The following PUS7L variants were observed in gnomAD, a reference collection of about 807,000 sequenced individuals.
The protein encoded by PUS7L is pseudouridine synthase 7 like.
A neutral mutation model predicts 51.1 loss-of-function variants in PUS7L; 49 were observed. That is an observed-to-expected ratio of 0.96 (90% CI 0.76 to 1.22). PUS7L has a LOEUF of 1.22. Ranked by LOEUF, PUS7L falls within the 50% of genes most tolerant of loss-of-function variation. The pLI, the probability that PUS7L is intolerant of heterozygous loss-of-function variation, is 0.00. For missense variants in PUS7L, 828 were observed against 820.6 expected (o/e 1.01, Z -0.11); for synonymous variants, 277 against 276.2 (o/e 1.00, Z -0.03).
In PUS7L at chr12:43,749,622, A is replaced by G. The variant is rs567187407; in HGVS notation, c.911-1013T>C. Among the ~76,000 whole-genome samples the G allele has an allele frequency of 8.5e-5, 13 of 152,276 alleles. No individual in the cohort carries two copies. In the East Asian group the frequency reaches 2.5e-3, roughly 29 times the overall value. On this transcript the variant is annotated intron_variant, in intron 2 of 8. Coordinates refer to ENST00000344862, the MANE Select transcript of PUS7L (RefSeq NM_031292.5). ...GAGGTCGAGGCTGTAGCAAGCCACG[A>G]TGGTGCCACTGCACTCCAGCCTGGG...
chr12:43,731,257 AAAGG>A (rs939887032), intron 8 of PUS7L, among the ~76,000 whole-genome samples: 1 of 152,214 alleles, frequency 6.6e-6, no homozygotes, highest in Non-Finnish European at 1.5e-5. Context: ...GTAGTCAAGA[AAAGG>A]AAGAAGGTAA....
intron 3 of PUS7L, 53 bp from the exon 4 acceptor site, chr12:43,746,291 T>C (rs1592173493): frequency 1.2e-6 from 1 of 814,868 alleles, no homozygotes; most frequent in East Asian, 3.0e-5. Context: ...TAAAAATTAC[T>C]TTAAAATAAG....
At chr12:43,757,087 C>T (rs1938751571) in intron 1 of PUS7L, among the ~76,000 whole-genome samples, 1 of 152,166 alleles carries the variant, frequency 6.6e-6, no homozygotes, top group Non-Finnish European at 1.5e-5. Context: ...TAAATTGTTC[C>T]CTCCCCAATC....
chr12:43,758,658 CCCCCCCCCACACACACA>C, intron 1 of PUS7L, 55 bp downstream of exon 1: 1 of 700,878 alleles, frequency 1.4e-6, no homozygotes, highest in Non-Finnish European at 1.6e-6. Context: ...CTCGTCACCC[CCCCCCCCCACACACACA>C]CACACACACA....
chr12:43,758,702 A>G (rs1939054702), intron 1 of PUS7L, 28 bp downstream of exon 1: 6 of 872,886 alleles, frequency 6.9e-6, no homozygotes, highest in Non-Finnish European at 7.9e-6. Context: ...CAAGCCCACC[A>G]TCGCGCAAGA....
intron 4 of PUS7L, among the ~76,000 whole-genome samples, chr12:43,743,340 G>C (rs1330285018): frequency 6.6e-6 from 1 of 152,224 alleles, no homozygotes; most frequent in Non-Finnish European, 1.5e-5. Flanking sequence ...TTTATGAGGA[G>C]AGTATGCATT....
intron 4 of PUS7L, among the ~76,000 whole-genome samples, chr12:43,744,104 G>C (rs1938046769): frequency 6.6e-6 from 1 of 152,050 alleles, no homozygotes. Context: ...GAAAGACAGG[G>C]AATAAATGCT....
In PUS7L at chr12:43,744,815, T is replaced by C. The variant is rs550850124; in HGVS notation, c.1263+1231A>G. Among the ~76,000 whole-genome samples, 17 of 152,314 alleles carry C rather than the reference T, an allele frequency of 1.1e-4. No homozygotes were observed. The South Asian group carries it at 3.5e-3, about 32-fold the overall frequency. ...GTGTTTCTCGGTATTGGCTCTAAAG[T>C]ACAGTCACCTAAGAAGTTTTTCAAA... On this transcript the variant is annotated intron_variant, in intron 4 of 8. Coordinates refer to ENST00000344862, the MANE Select transcript of PUS7L (RefSeq NM_031292.5).
At chr12:43,757,951 C>T (rs565070581) in intron 1 of PUS7L, among the ~76,000 whole-genome samples, 28 of 152,234 alleles carry the variant, frequency 1.8e-4, no homozygotes, top group Middle Eastern at 6.8e-3. Context: ...ATGTTGAATG[C>T]CCTGACAAGG....
At chr12:43,731,667 C>T in intron 8 of PUS7L, 38 bp downstream of exon 8, 1 of 1,238,440 alleles carries the variant, frequency 8.1e-7, no homozygotes, top group Non-Finnish European at 1.2e-6. Flanking sequence ...AATGTCTACA[C>T]TTAGATCTAA....
chr12:43,742,914 C>T (rs778084450), intron 4 of PUS7L, among the ~76,000 whole-genome samples: 4 of 152,158 alleles, frequency 2.6e-5, no homozygotes, highest in African/African-American at 7.2e-5. Context: ...TACTCTGATG[C>T]TCTTTCTTAT....
intron 1 of PUS7L, 55 bp downstream of exon 1, chr12:43,758,662 CCCCCACACACACA>C: frequency 5.2e-6 from 4 of 765,910 alleles, no homozygotes; most frequent in Non-Finnish European, 5.9e-6. Flanking sequence ...TCACCCCCCC[CCCCCACACACACA>C]CACACACACA....
At chr12:43,744,744 G>T (rs1009472855) in intron 4 of PUS7L, among the ~76,000 whole-genome samples, 1 of 152,172 alleles carries the variant, frequency 6.6e-6, no homozygotes, top group African/African-American at 2.4e-5. Flanking sequence ...TGTTGGACAG[G>T]TATAAAATTG....
rs1944497907 is a variant in PUS7L at position 43,729,255 on chromosome 12, T to C, written c.*1121A>G. On this transcript the variant is annotated 3_prime_UTR_variant, in exon 9 of 9. Coordinates refer to ENST00000344862, the MANE Select transcript of PUS7L (RefSeq NM_031292.5). Reference sequence around the variant, plus strand: ...TTGCATTGCATATAGCTTCTCTTCCTTCTTTTGGATTTTATTTCCTAATGC... The same window carrying C: ...TTGCATTGCATATAGCTTCTCTTCCCTCTTTTGGATTTTATTTCCTAATGC... 7.5e-6 allele frequency: 3 copies of C among 397,706 alleles called. No individual in the cohort carries two copies. The highest frequency in any genetic ancestry group is 4.4e-5 in the Admixed American group (1 of 22,706). 24.6% of individuals were successfully genotyped at this position (397,706 alleles called of 1,614,324 possible). A position where few individuals can be genotyped will look rare whatever the true frequency, so the allele number is the denominator to read the frequency against.
In PUS7L at chr12:43,722,959, T is replaced by C. The variant is rs758071394; in HGVS notation, c.*7417A>G. On this transcript the variant is annotated 3_prime_UTR_variant, in exon 9 of 9. Coordinates refer to ENST00000344862, the MANE Select transcript of PUS7L (RefSeq NM_031292.5). ...GAGTGACCAGCTCTTTGATCTCTTC[T>C]CTTTTAAAATAACCAAATAGCTCTT... 2.0e-5 allele frequency: 3 copies of C among 152,146 alleles called. No individual in the cohort carries two copies. The highest frequency in any genetic ancestry group is 4.4e-5 in the Non-Finnish European group (3 of 67,978). 9.4% of individuals were successfully genotyped at this position (152,146 alleles called of 1,614,324 possible). A position where few individuals can be genotyped will look rare whatever the true frequency, so the allele number is the denominator to read the frequency against.
rs1447802343 is a variant in PUS7L, at chr12:43,728,887, A to G, written c.*1489T>C. 1 of 210,240 alleles carries G rather than the reference A, an allele frequency of 4.8e-6. No homozygotes were observed. The highest frequency in any genetic ancestry group is 2.3e-5 in the African/African-American group (1 of 43,998). The allele number at this position is 210,240 out of a possible 1,614,324, so 13.0% of individuals were successfully genotyped here. On this transcript the variant is annotated 3_prime_UTR_variant, in exon 9 of 9. Transcript: ENST00000344862. ...TTTACAGATGTTGAAACTGAAGCCCATGAGTTTAAATAACTTTCCCAAGGC... is the reference window on the plus strand; with the variant it reads ...TTTACAGATGTTGAAACTGAAGCCCGTGAGTTTAAATAACTTTCCCAAGGC...
chr12:43,754,442 A>G lies in PUS7L; in HGVS notation c.804T>C (p.Ser268=). The change falls in exon 2 of 9, where the codon AGT becomes AGC. Residue 268 remains serine (S), a synonymous_variant. Coordinates refer to ENST00000344862, the MANE Select transcript of PUS7L (RefSeq NM_031292.5). The stretch of plus-strand genomic sequence containing the variant: ...TTACCACCACATTCGGATTACCAGC[A>G]CTGCAATTCATTTTAGAAAAAGATT... ...ETKSFSKMNC[S]AGNPNVVVTV... The G allele has an allele frequency of 6.2e-7, 1 of 1,613,830 alleles. No homozygotes were observed. Among genetic ancestry groups the G allele is most frequent in the Admixed American group, 1.7e-5 (1 of 60,014 alleles).
chr12:43,755,257 A>C lies in PUS7L; in HGVS notation c.-12T>G. On this transcript the variant is annotated 5_prime_UTR_variant, in exon 2 of 9. Transcript: ENST00000344862. ...GTATCTTCTTCCATTCTTCTATAAC[A>C]GTGCCTAGAAAACAAAACAAAGAGG... 6.5e-7 allele frequency: 1 copy of C among 1,546,290 alleles called. No homozygotes were observed. Among genetic ancestry groups the C allele is most frequent in the Non-Finnish European group, 8.7e-7 (1 of 1,146,082 alleles).
At chr12:43,743,591 G>A (rs1435982280) in intron 4 of PUS7L, among the ~76,000 whole-genome samples, 1 of 152,076 alleles carries the variant, frequency 6.6e-6, no homozygotes, top group South Asian at 2.1e-4. Context: ...GTGAAACCCT[G>A]TCTCTACTAA....
Sources: gnomAD v4.1 joint callset for allele counts (sites outside exome capture counted in the v4.1 genomes callset) on GRCh38, gnomAD v4.1.1 for gene constraint, MANE v1.5 for transcripts, NCBI Gene and HGNC (gene_info 2026-07-23, HGNC 2026-07-21) for gene names.